HACD4: variants seen among roughly 807,000 people sequenced by gnomAD.
The protein encoded by HACD4 is very-long-chain (3R)-3-hydroxyacyl-CoA dehydratase 4.
A neutral mutation model predicts 33.3 loss-of-function variants in HACD4; 35 were observed. That is an observed-to-expected ratio of 1.05 (90% CI 0.80 to 1.39). The LOEUF is 1.39. HACD4 is among the 40% of genes most tolerant of loss of function. The pLI, the probability that HACD4 is intolerant of heterozygous loss-of-function variation, is 0.00. For missense variants in HACD4, 323 were observed against 276.5 expected (o/e 1.17, Z -1.19); for synonymous variants, 118 against 98.0 (o/e 1.20, Z -1.21).
intron 4 of HACD4, 90 bp downstream of exon 4, chr9:21,015,808 C>A: frequency 1.4e-6 from 1 of 717,110 alleles, no homozygotes; most frequent in South Asian, 1.7e-5. Flanking sequence ...TTTCCTCTCT[C>A]GTACCAAGTA....
intron 3 of HACD4, 146 bp downstream of exon 3, chr9:21,026,450 G>A: frequency 3.0e-6 from 2 of 669,440 alleles, no homozygotes; most frequent in Non-Finnish European, 5.1e-6. Flanking sequence ...TTTACAATAA[G>A]GTTGTCCTTC....
chr9:21,026,978 T>C (rs894030241), intron 2 of HACD4, among the ~76,000 whole-genome samples: 1 of 152,170 alleles, frequency 6.6e-6, no homozygotes, highest in Non-Finnish European at 1.5e-5. Context: ...TGGCCAAACA[T>C]ACACATAGCA....
chr9:21,021,146 G>A (rs1268125667), intron 3 of HACD4, among the ~76,000 whole-genome samples: 1 of 152,204 alleles, frequency 6.6e-6, no homozygotes, highest in East Asian at 1.9e-4. Context: ...TATCTCAATA[G>A]ATGCAGAAAA....
At chr9:21,031,485 A>G in intron 1 of HACD4, 68 bp downstream of exon 1, 2 of 1,411,138 alleles carry the variant, frequency 1.4e-6, no homozygotes, top group Non-Finnish European at 1.8e-6. Flanking sequence ...CCCGCCGCAG[A>G]GGGGAGCTCC....
chr9:21,011,839 T>C, intron 4 of HACD4, 144 bp from the exon 5 acceptor site: 1 of 555,950 alleles, frequency 1.8e-6, no homozygotes, highest in Non-Finnish European at 3.1e-6. Context: ...AGGAAGAGTT[T>C]TTTTTAAATG....
At chr9:21,023,264 T>TG (rs1346965761) in intron 3 of HACD4, among the ~76,000 whole-genome samples, 4 of 152,000 alleles carry the variant, frequency 2.6e-5, no homozygotes, top group East Asian at 1.9e-4. Flanking sequence ...ATATACCTAA[T>TG]ATAAATGACG....
At position 21,003,363 on chromosome 9, in the gene HACD4, G is replaced by A. The variant is rs777974716; in HGVS notation, c.*3674C>T. 104 of 151,860 alleles carry A rather than the reference G, an allele frequency of 6.8e-4. No homozygotes were observed. The highest frequency in any genetic ancestry group is 1.3e-3 in the Non-Finnish European group (89 of 67,922). 9.4% of individuals were successfully genotyped at this position (151,860 alleles called of 1,614,324 possible). ...TAGTGATTGATTGTACATGTACTTC[G>A]GCAGTGTAAGGAGCCATCTTTATTT... On this transcript the variant is annotated 3_prime_UTR_variant, in exon 7 of 7. Transcript: ENST00000495827.
chr9:21,023,821 C>T (rs1057164802), intron 3 of HACD4, among the ~76,000 whole-genome samples: 18 of 152,218 alleles, frequency 1.2e-4, no homozygotes, highest in African/African-American at 3.4e-4. Flanking sequence ...GTGATCCGAC[C>T]GCCTCAGCCT....
chr9:21,007,227 C>T (rs1842292817), intron 6 of HACD4, 108 bp from the exon 7 acceptor site: 2 of 688,950 alleles, frequency 2.9e-6, no homozygotes, highest in East Asian at 2.6e-5. Context: ...AGGGAGAAGA[C>T]ACTTGCAAGG....
At chr9:21,025,090 A>G (rs1251976292) in intron 3 of HACD4, among the ~76,000 whole-genome samples, 2 of 152,156 alleles carry the variant, frequency 1.3e-5, no homozygotes, top group Non-Finnish European at 2.9e-5. Flanking sequence ...GTAAGGAACT[A>G]TACTAAAGGG....
chr9:21,020,756 TTTA>T (rs1564277170), intron 3 of HACD4, among the ~76,000 whole-genome samples: 1 of 152,228 alleles, frequency 6.6e-6, no homozygotes. Context: ...TTATATGATT[TTTA>T]TTGTCGTGTA....
intron 4 of HACD4, 46 bp from the exon 5 acceptor site, chr9:21,011,741 C>G (rs759965519): frequency 2.0e-6 from 2 of 1,019,784 alleles, no homozygotes; most frequent in South Asian, 1.4e-5. Flanking sequence ...CTGCTAATAT[C>G]TGGGAAATAG....
intron 2 of HACD4, among the ~76,000 whole-genome samples, chr9:21,028,968 G>A (rs1818134821): frequency 6.6e-6 from 1 of 152,156 alleles, no homozygotes; most frequent in East Asian, 1.9e-4. Context: ...TGCATAAAAT[G>A]TTATGCTGAG....
At chr9:21,009,671 C>T (rs1043205660) in intron 5 of HACD4, among the ~76,000 whole-genome samples, 3 of 152,058 alleles carry the variant, frequency 2.0e-5, no homozygotes, top group Non-Finnish European at 2.9e-5. Flanking sequence ...GCTTACTTTT[C>T]GTGGTGAGAT....
chr9:21,024,040 C>T (rs1398541307), intron 3 of HACD4, among the ~76,000 whole-genome samples: 3 of 152,208 alleles, frequency 2.0e-5, no homozygotes, highest in East Asian at 1.9e-4. Flanking sequence ...AGTTTTGTTT[C>T]ATTATTTTAA....
chr9:21,025,889 T>C (rs897205788), intron 3 of HACD4, among the ~76,000 whole-genome samples: 6 of 152,248 alleles, frequency 3.9e-5, no homozygotes, highest in African/African-American at 1.4e-4. Flanking sequence ...AGATACATGT[T>C]ATTTTCATAT....
Position 21,029,284 on chromosome 9 carries a change from C to T in HACD4, c.142+11G>A, listed in dbSNP as rs755760706. On this transcript the variant is annotated intron_variant, in intron 2 of 6. Coordinates refer to ENST00000495827, the MANE Select transcript of HACD4 (RefSeq NM_001010915.5). ...AAAGTTAAAAATAAAAAAACTGTTTCGGAGTTTTACCTTTTCCAAATGAAA... is the reference window on the plus strand; with the variant it reads ...AAAGTTAAAAATAAAAAAACTGTTTTGGAGTTTTACCTTTTCCAAATGAAA... 53 of 1,458,666 alleles carry T rather than the reference C, an allele frequency of 3.6e-5. No individual in the cohort carries two copies. Among genetic ancestry groups the T allele is most frequent in the East Asian group, 9.1e-5 (4 of 43,746 alleles). The allele number at this position is 1,458,666 out of a possible 1,614,324, so 90.4% of individuals were successfully genotyped here. A position where few individuals can be genotyped will look rare whatever the true frequency, so the allele number is the denominator to read the frequency against.
At chr9:21,027,159 A>C (rs1818083845) in intron 2 of HACD4, among the ~76,000 whole-genome samples, 1 of 152,198 alleles carries the variant, frequency 6.6e-6, no homozygotes, top group Non-Finnish European at 1.5e-5. Context: ...ATTTCGGAGA[A>C]ACTTTATGGA....
chr9:21,027,339 T>TG (rs1818088371), intron 2 of HACD4, among the ~76,000 whole-genome samples: 2 of 152,194 alleles, frequency 1.3e-5, no homozygotes. Flanking sequence ...ACTGTGCACT[T>TG]GGAGCTGAAA....
Sources: allele counts gnomAD v4.1 joint callset (sites outside exome capture counted in the v4.1 genomes callset), GRCh38; gene constraint gnomAD v4.1.1; transcripts MANE v1.5; gene names NCBI Gene and HGNC (gene_info 2026-07-23, HGNC 2026-07-21).